Variants in OXNAD1 observed in about 807,000 individuals in gnomAD.
The protein encoded by OXNAD1 is oxidoreductase NAD-binding domain-containing protein 1.
In OXNAD1, 34 loss-of-function variants were observed where a neutral mutation model predicts 32.9. The ratio of observed to expected loss-of-function variants is 1.03; its 90% CI spans 0.79 to 1.38. The LOEUF is 1.38. OXNAD1 is among the 40% of genes most tolerant of loss of function. The pLI, the probability that OXNAD1 is intolerant of heterozygous loss-of-function variation, is 0.00. For missense variants in OXNAD1, 407 were observed against 379.4 expected, an observed-to-expected ratio of 1.07 and a Z score of -0.60; for synonymous variants, 134 against 135.2, an observed-to-expected ratio of 0.99 and a Z score of 0.06.
At position 16,321,497 on chromosome 3, in the gene OXNAD1, C is replaced by G. The variant is rs941513923; in HGVS notation, c.*31-15615C>G. On this transcript the variant is annotated intron_variant, in intron 9 of 9. Coordinates refer to the OXNAD1 transcript ENST00000435829. The surrounding 1 kb of genome is among the most constrained non-coding windows in gnomAD (Gnocchi z 4.8). The stretch of plus-strand genomic sequence containing the variant: ...CTCTCGGTCACCAGGGGACACAGGC[C>G]TGTGGGAGTAGGACGCTGACCCTTG... 2.1e-4 allele frequency among the ~76,000 whole-genome samples: 32 copies of G among 152,150 alleles called. No homozygotes were observed. Among genetic ancestry groups the G allele is most frequent in the African/African-American group, 7.7e-4 (32 of 41,422 alleles).
chr3:16,302,562 G>A lies in OXNAD1; in HGVS notation c.676-78G>A. The A allele has an allele frequency of 1.1e-6, 1 of 932,652 alleles. No homozygotes were observed. The highest frequency in any genetic ancestry group is 1.7e-6 in the Non-Finnish European group (1 of 593,694). The allele number at this position is 932,652 out of a possible 1,614,324, so 57.8% of individuals were successfully genotyped here. On this transcript the variant is annotated intron_variant, in intron 7 of 8. Coordinates refer to ENST00000285083, the MANE Select transcript of OXNAD1 (RefSeq NM_138381.5). This position sits in a 1 kb window ranked among gnomAD's most constrained non-coding sequence, Gnocchi z 4.2. ...CAGACGTGTGCAGAATGGGAGTTGA[G>A]GTTCAGCGTCAATGGTTGTGCACAT...
At chr3:16,266,979 T>C (rs2064564493) in intron 1 of OXNAD1, among the ~76,000 whole-genome samples, 2 of 152,240 alleles carry the variant, frequency 1.3e-5, no homozygotes, top group Admixed American at 1.3e-4. Flanking sequence ...ACCACTAAGG[T>C]GTCTTTGCCT....
intron 9 of OXNAD1, among the ~76,000 whole-genome samples, chr3:16,323,973 G>A (rs1236502684): frequency 1.3e-5 from 2 of 152,218 alleles, no homozygotes; most frequent in African/African-American, 4.8e-5. Context: ...GGCAGTGCCT[G>A]TTAACCAGCT....
intron 2 of OXNAD1, among the ~76,000 whole-genome samples, chr3:16,270,184 T>C (rs1466704174): frequency 6.6e-6 from 1 of 152,248 alleles, no homozygotes; most frequent in Non-Finnish European, 1.5e-5. Context: ...ACATTGTCAC[T>C]ACCACCTCCC....
chr3:16,339,702 T>C (rs2071181846), downstream of OXNAD1: 1 of 152,242 alleles, frequency 6.6e-6, no homozygotes, highest in African/African-American at 2.4e-5. Flanking sequence ...GTCCTACCAT[T>C]TCCACATATT....
At chr3:16,281,895 C>CTTTTT (rs1213407558) in intron 4 of OXNAD1, among the ~76,000 whole-genome samples, 43 of 110,496 alleles carry the variant, frequency 3.9e-4, no homozygotes, top group Non-Finnish European at 5.5e-4. Context: ...AATAACATTT[C>CTTTTT]TTTTTTTTTT....
In OXNAD1 at chr3:16,347,259, G is replaced by A. The variant is rs191679671; in HGVS notation, c.*31-1917G>A. On this transcript the variant is annotated intron_variant, in intron 9 of 9. Transcript: ENST00000606098. Reference sequence around the variant, plus strand: ...CATACTGTCAAGGACACCCTACAGGGCAACCCTGGAGAGACGTCCATGCAT... The same window carrying A: ...CATACTGTCAAGGACACCCTACAGGACAACCCTGGAGAGACGTCCATGCAT... Among the ~76,000 whole-genome samples the A allele has an allele frequency of 3.7e-3, 569 of 152,322 alleles. 1 individual carries two copies. Among genetic ancestry groups the A allele is most frequent in the South Asian group, 0.01 (50 of 4,818 alleles).
chr3:16,282,582 G>C (rs1195411687), intron 4 of OXNAD1, among the ~76,000 whole-genome samples: 1 of 152,126 alleles, frequency 6.6e-6, no homozygotes, highest in African/African-American at 2.4e-5. Flanking sequence ...AGAGTATGAA[G>C]AGAAGAGGGA....
chr3:16,328,534 T>C (rs1340013702), intron 9 of OXNAD1, among the ~76,000 whole-genome samples: 1 of 152,230 alleles, frequency 6.6e-6, no homozygotes, highest in African/African-American at 2.4e-5. Flanking sequence ...ACCTGAACCC[T>C]TGGCGACTAA....
chr3:16,269,360 C>T, intron 2 of OXNAD1, 85 bp downstream of exon 2: 1 of 1,429,330 alleles, frequency 7.0e-7, no homozygotes, highest in Admixed American at 2.1e-5. Flanking sequence ...GTTTAGTGGT[C>T]TTGAATGAGG....
chr3:16,336,872 T>C lies in OXNAD1; in HGVS notation c.*31-240T>C, dbSNP rs1575037603. On this transcript the variant is annotated intron_variant, in intron 9 of 9. Coordinates refer to the OXNAD1 transcript ENST00000435829. This position sits in a 1 kb window ranked among gnomAD's most constrained non-coding sequence, Gnocchi z 6.0. ...CAACGAAATAAAAAATAATAATTGT[T>C]ATTATTACATGAAACATATTGTTTG... Among the ~76,000 whole-genome samples, 2 of 152,186 alleles carry C rather than the reference T, an allele frequency of 1.3e-5. No homozygotes were observed. The highest frequency in any genetic ancestry group is 4.1e-4 in the South Asian group (2 of 4,822).
chr3:16,312,605 C>T lies in OXNAD1; in HGVS notation c.*30+9013C>T, dbSNP rs1371823749. 6.6e-6 allele frequency among the ~76,000 whole-genome samples: 1 copy of T among 152,236 alleles called. No homozygotes were observed. Among genetic ancestry groups the T allele is most frequent in the Non-Finnish European group, 1.5e-5 (1 of 68,038 alleles). The stretch of plus-strand genomic sequence containing the variant: ...AGTGCCCCTATGCCAGCTAGGAGCT[C>T]AGCTAGAGTGGGTTGCACGAGTCGT... On this transcript the variant is annotated intron_variant, in intron 9 of 9. Transcript: ENST00000435829. This position sits in a 1 kb window ranked among gnomAD's most constrained non-coding sequence, Gnocchi z 4.7.
In OXNAD1 at chr3:16,346,145, T is replaced by C. The variant is rs181671880; in HGVS notation, c.*31-3031T>C. On this transcript the variant is annotated intron_variant, in intron 9 of 9. Transcript: ENST00000606098. This position sits in a 1 kb window ranked among gnomAD's most constrained non-coding sequence, Gnocchi z 4.4. ...GAAGCTTGACAATGAAGAGGAATTATTGATGAATGTGGAAAGGCCAGGGGG... is the reference window on the plus strand; with the variant it reads ...GAAGCTTGACAATGAAGAGGAATTACTGATGAATGTGGAAAGGCCAGGGGG... The C allele has an allele frequency of 1.1e-4, 17 of 152,280 alleles. No homozygotes were observed. 9.4% of individuals were successfully genotyped at this position (152,280 alleles called of 1,614,324 possible). A position where few individuals can be genotyped will look rare whatever the true frequency, so the allele number is the denominator to read the frequency against.
chr3:16,331,444 A>G (rs893420521), intron 9 of OXNAD1, among the ~76,000 whole-genome samples: 4 of 152,184 alleles, frequency 2.6e-5, no homozygotes, highest in Non-Finnish European at 5.9e-5. Context: ...ACAGTTTTGC[A>G]AATATTGCTC....
chr3:16,270,493 T>A (rs2064847286), intron 2 of OXNAD1, among the ~76,000 whole-genome samples: 1 of 152,204 alleles, frequency 6.6e-6, no homozygotes, highest in Non-Finnish European at 1.5e-5. Flanking sequence ...TTTGGTTTTT[T>A]AATATCTGGA....
downstream of OXNAD1, among the ~76,000 whole-genome samples, chr3:16,338,795 AAAG>A (rs1158746848): frequency 6.6e-6 from 1 of 152,218 alleles, no homozygotes; most frequent in Non-Finnish European, 1.5e-5. This position sits in a 1 kb window ranked among gnomAD's most constrained non-coding sequence, Gnocchi z 5.3. Flanking sequence ...GGGATTGAAA[AAAG>A]GAGCTTTTCC....
At chr3:16,342,056 TA>T (rs1345229662), downstream of OXNAD1, among the ~76,000 whole-genome samples, 1 of 152,204 alleles carries the variant, frequency 6.6e-6, no homozygotes, top group African/African-American at 2.4e-5. This position sits in a 1 kb window ranked among gnomAD's most constrained non-coding sequence, Gnocchi z 4.0. Context: ...TATAATTGGA[TA>T]TCTTAAAATT....
chr3:16,295,064 G>A, intron 6 of OXNAD1, 67 bp downstream of exon 6: 1 of 1,490,770 alleles, frequency 6.7e-7, no homozygotes, highest in Non-Finnish European at 9.0e-7. Flanking sequence ...TTTGTGTTAA[G>A]CTCATTTGAT....
chr3:16,318,192 G>A (rs1005165799), intron 9 of OXNAD1, among the ~76,000 whole-genome samples: 4 of 152,014 alleles, frequency 2.6e-5, no homozygotes, highest in East Asian at 3.9e-4. Context: ...GTCACTGACC[G>A]GCCAAGTTTC....
Sources: gnomAD v4.1 joint callset for allele counts (sites outside exome capture counted in the v4.1 genomes callset) on GRCh38, gnomAD v4.1.1 for gene constraint, Gnocchi (gnomAD v3.1) non-coding constraint, MANE v1.5 for transcripts, NCBI Gene and HGNC (gene_info 2026-07-23, HGNC 2026-07-21) for gene names.